APLP2: variants seen among roughly 807,000 people sequenced by gnomAD.
The protein encoded by APLP2 is amyloid beta precursor like protein 2, also known as CDEI box-binding protein.
Under a neutral mutation model 89.9 loss-of-function variants are expected in APLP2, and 53 were observed. The observed-to-expected ratio is 0.59, with a 90% CI of 0.47 to 0.74. APLP2 has a LOEUF of 0.74. Among genes scored for constraint, APLP2 ranks in the 30% least tolerant of loss-of-function variants. APLP2 has a pLI of 0.00. For synonymous variants in APLP2, 372 were observed against 348.6 expected, an observed-to-expected ratio of 1.07 and a Z score of -0.75; for missense variants, 973 against 975.9, an observed-to-expected ratio of 1.00 and a Z score of 0.04.
intron 3 of APLP2, among the ~76,000 whole-genome samples, chr11:130,112,476 A>C (rs57945908): frequency 0.098 from 14,807 of 151,628 alleles, 1,065 homozygotes; most frequent in African/African-American, 0.2. Flanking sequence ...CTAAGGTGAC[A>C]GGACACAGTA....
rs1379605642 is a variant in APLP2, at chr11:130,121,737, AAAGAAG to A, written c.642_647del (p.Glu218_Glu219del). 1 of 1,613,380 alleles carries A rather than the reference AAAGAAG, an allele frequency of 6.2e-7. No individual in the cohort carries two copies. Among genetic ancestry groups the A allele is most frequent in the Non-Finnish European group, 8.5e-7 (1 of 1,179,918 alleles). On this transcript the variant is annotated inframe_deletion, in exon 5 of 17. Transcript: ENST00000338167. ...GACAAAGATTATTGGATCTGTGTCAAAAGAAGAGGAAGAGGAAGATGAAGAGGAAGA... is the reference window on the plus strand; with the variant it reads ...GACAAAGATTATTGGATCTGTGTCAAAGGAAGAGGAAGATGAAGAGGAAGA...
At chr11:130,110,078 C>CA (rs1948358763) in intron 2 of APLP2, among the ~76,000 whole-genome samples, 1 of 152,170 alleles carries the variant, frequency 6.6e-6, no homozygotes, top group African/African-American at 2.4e-5. Flanking sequence ...GGCCTCAAGC[C>CA]ATCCTCCCCA....
chr11:130,091,475 C>T (rs1244977105), intron 1 of APLP2, among the ~76,000 whole-genome samples: 187 of 128,954 alleles, frequency 1.5e-3, no homozygotes, highest in East Asian at 7.3e-3. Context: ...CCAGACGGGG[C>T]GGCTGGCCGG....
At position 130,142,005 on chromosome 11, in the gene APLP2, G is replaced by A. The variant is rs779635337; in HGVS notation, c.2085G>A (p.Thr695=). ...TGGTCATCGCAGTGGCCATTGCCAC[G>A]GTCATCGTCATCAGCCTGGTGATGC... The part of the protein sequence containing the change: ...GLLVIAVAIA[T]VIVISLVMLR... Residue 695 remains threonine (T), a synonymous_variant, in exon 16 of 17, where the codon ACG becomes ACA. Transcript: ENST00000338167. 2.0e-5 allele frequency: 32 copies of A among 1,613,878 alleles called. No individual in the cohort carries two copies. The highest frequency in any genetic ancestry group is 2.7e-5 in the African/African-American group (2 of 74,916).
At chr11:130,092,591 A>G (rs567552216) in intron 1 of APLP2, among the ~76,000 whole-genome samples, 63 of 148,398 alleles carry the variant, frequency 4.2e-4, no homozygotes, top group African/African-American at 1.3e-3. Flanking sequence ...CGTGCCTGCA[A>G]TCGCAGGCAT....
chr11:130,071,732 C>T (rs1479859000), intron 1 of APLP2, among the ~76,000 whole-genome samples: 1 of 152,172 alleles, frequency 6.6e-6, no homozygotes, highest in African/African-American at 2.4e-5. Context: ...TGATTGTTAG[C>T]CACAGCGTTG....
intron 1 of APLP2, among the ~76,000 whole-genome samples, chr11:130,090,769 A>C (rs1359565979): frequency 6.6e-6 from 1 of 152,226 alleles, no homozygotes; most frequent in South Asian, 2.1e-4. Context: ...GCTCTCAATG[A>C]GCCGTTGGGC....
chr11:130,120,575 C>A, intron 3 of APLP2, 131 bp from the exon 4 acceptor site: 1 of 683,982 alleles, frequency 1.5e-6, no homozygotes, highest in Non-Finnish European at 2.6e-6. Flanking sequence ...TTTGAAGGTA[C>A]GAGATGTGCA....
At chr11:130,094,719 A>G (rs1211125446) in intron 1 of APLP2, among the ~76,000 whole-genome samples, 1 of 152,230 alleles carries the variant, frequency 6.6e-6, no homozygotes, top group African/African-American at 2.4e-5. Flanking sequence ...ACCCTTTCTT[A>G]GGAAGCTATG....
At chr11:130,121,850 T>C in intron 5 of APLP2, 40 bp downstream of exon 5, 1 of 1,589,972 alleles carries the variant, frequency 6.3e-7, no homozygotes, top group African/African-American at 1.3e-5. Flanking sequence ...GTTTTGCCTT[T>C]TTGTTAGCCC....
At chr11:130,076,852 A>AGACCCCTCAG (rs1942227449) in intron 1 of APLP2, among the ~76,000 whole-genome samples, 1 of 152,174 alleles carries the variant, frequency 6.6e-6, no homozygotes, top group Non-Finnish European at 1.5e-5. Context: ...ACTGGATAGA[A>AGACCCCTCAG]GTGTATCAGA....
In APLP2 at chr11:130,141,266, A is replaced by G; in HGVS notation, c.1924-232A>G. The G allele has an allele frequency of 1.9e-6, 1 of 520,898 alleles. No homozygotes were observed. The highest frequency in any genetic ancestry group is 2.5e-5 in the South Asian group (1 of 39,580). 32.3% of individuals were successfully genotyped at this position (520,898 alleles called of 1,614,324 possible). A position where few individuals can be genotyped will look rare whatever the true frequency, so the allele number is the denominator to read the frequency against. On this transcript the variant is annotated intron_variant, in intron 14 of 16. Coordinates refer to ENST00000338167, the MANE Select transcript of APLP2 (RefSeq NM_001142276.2). This position sits in a 1 kb window ranked among gnomAD's most constrained non-coding sequence, Gnocchi z 4.2. Reference sequence around the variant, plus strand: ...GTCTCCACAACGGTTACTTGAAGGAAAATGCATACGGGACCAGCTGCCATA... The same window carrying G: ...GTCTCCACAACGGTTACTTGAAGGAGAATGCATACGGGACCAGCTGCCATA...
intron 1 of APLP2, chr11:130,082,769 G>T: frequency 4.4e-6 from 1 of 227,814 alleles, no homozygotes. Context: ...GAAAGCCTGT[G>T]ACAGTATGTC....
chr11:130,142,721 C>A (rs1025325231), intron 16 of APLP2, among the ~76,000 whole-genome samples: 1 of 152,164 alleles, frequency 6.6e-6, no homozygotes, highest in African/African-American at 2.4e-5. Flanking sequence ...TCAGGTGATT[C>A]TTGTGCCTCA....
intron 1 of APLP2, among the ~76,000 whole-genome samples, chr11:130,104,033 A>G (rs6590438): frequency 0.16 from 24,558 of 151,856 alleles, 3,621 homozygotes; most frequent in East Asian, 0.43. Flanking sequence ...TTCTATCTGA[A>G]CTTTCGAAGT....
intron 1 of APLP2, among the ~76,000 whole-genome samples, chr11:130,084,607 A>G (rs1591767692): frequency 1.3e-5 from 2 of 152,326 alleles, no homozygotes; most frequent in East Asian, 3.9e-4. Flanking sequence ...AGAAGAAATC[A>G]AATGGGAAAT....
intron 1 of APLP2, among the ~76,000 whole-genome samples, chr11:130,107,080 T>C (rs1947885498): frequency 6.6e-6 from 1 of 152,264 alleles, no homozygotes; most frequent in African/African-American, 2.4e-5. Context: ...GTTTTAACTC[T>C]TGCATTAGAG....
At chr11:130,102,923 C>G (rs1947136476) in intron 1 of APLP2, among the ~76,000 whole-genome samples, 1 of 152,076 alleles carries the variant, frequency 6.6e-6, no homozygotes, top group Non-Finnish European at 1.5e-5. Context: ...GCAGTTGATG[C>G]AATTTGTTTT....
At chr11:130,140,578 G>T (rs1952238023) in intron 14 of APLP2, 95 bp downstream of exon 14, 1 of 1,062,778 alleles carries the variant, frequency 9.4e-7, no homozygotes, top group Non-Finnish European at 1.3e-6. Context: ...GCACGTCTCT[G>T]TGTTCGTTTT....
Sources: gnomAD v4.1 joint callset for allele counts (sites outside exome capture counted in the v4.1 genomes callset) on GRCh38, gnomAD v4.1.1 for gene constraint, Gnocchi (gnomAD v3.1) non-coding constraint, MANE v1.5 for transcripts, NCBI Gene and HGNC (gene_info 2026-07-23, HGNC 2026-07-21) for gene names.